The following KYNU variants were observed in gnomAD, a reference collection of about 807,000 sequenced individuals.
KYNU encodes kynureninase.
KYNU carries 54 observed loss-of-function variants against 59.2 expected under a neutral mutation model. The observed-to-expected ratio is 0.91, with a 90% confidence interval of 0.73 to 1.14. The LOEUF (loss-of-function observed/expected upper bound fraction) is 1.14, where lower values mean the gene tolerates loss of function less well. KYNU is among the 50% of genes most tolerant of loss of function. The pLI, the probability that KYNU is intolerant of heterozygous loss-of-function variation, is 0.00. For missense variants in KYNU, 567 were observed against 554.4 expected (o/e 1.02, Z -0.23); for synonymous variants, 177 against 192.0 (o/e 0.92, Z 0.65).
intron 8 of KYNU, among the ~76,000 whole-genome samples, chr2:142,966,570 ATTC>A (rs977615531): frequency 1.3e-5 from 2 of 152,170 alleles, no homozygotes; most frequent in African/African-American, 4.8e-5. Context: ...TAGGATACTT[ATTC>A]TAAGATGCAG....
At chr2:142,878,513 A>G (rs1037155972) in intron 1 of KYNU, among the ~76,000 whole-genome samples, 4 of 152,076 alleles carry the variant, frequency 2.6e-5, no homozygotes, top group African/African-American at 4.8e-5. Context: ...TTCTCAACAT[A>G]TTTTTAAGTC....
intron 12 of KYNU, among the ~76,000 whole-genome samples, chr2:143,035,328 A>G (rs1686865557): frequency 6.6e-6 from 1 of 152,200 alleles, no homozygotes. Context: ...ATTTCCCTTG[A>G]GCCTCTTTCT....
intron 3 of KYNU, 148 bp from the exon 4 acceptor site, chr2:142,927,511 T>C (rs988383507): frequency 5.1e-6 from 3 of 587,950 alleles, no homozygotes; most frequent in Non-Finnish European, 9.2e-6. Context: ...GTATTATATA[T>C]TTTGTTTTAA....
intron 2 of KYNU, among the ~76,000 whole-genome samples, chr2:142,889,315 G>T (rs1054201047): frequency 2.0e-5 from 3 of 152,224 alleles, no homozygotes; most frequent in East Asian, 1.9e-4. Context: ...GTGGCGGGGG[G>T]ACTCAGCAAG....
chr2:142,991,297 A>C (rs1276943172), intron 10 of KYNU, among the ~76,000 whole-genome samples: 1 of 151,894 alleles, frequency 6.6e-6, no homozygotes, highest in Non-Finnish European at 1.5e-5. Flanking sequence ...ACTACTTATC[A>C]AGTCCCTATC....
At chr2:142,956,313 T>G in intron 6 of KYNU, 39 bp downstream of exon 6, 1 of 1,287,228 alleles carries the variant, frequency 7.8e-7, no homozygotes, top group East Asian at 2.3e-5. Flanking sequence ...TTCTTTCTAC[T>G]CTTCCTAGAG....
chr2:143,024,312 A>G (rs528610618), intron 10 of KYNU, among the ~76,000 whole-genome samples: 143 of 151,960 alleles, frequency 9.4e-4, no homozygotes, highest in South Asian at 2.1e-3. Context: ...TGTTACCTTA[A>G]TCTCCACATT....
At chr2:143,021,377 CT>C (rs1282949692) in intron 10 of KYNU, among the ~76,000 whole-genome samples, 1 of 152,084 alleles carries the variant, frequency 6.6e-6, no homozygotes, top group Non-Finnish European at 1.5e-5. Context: ...AGCTTTTCTT[CT>C]TCCCAAATAA....
At chr2:143,023,271 A>T (rs575149825) in intron 10 of KYNU, among the ~76,000 whole-genome samples, 1 of 151,880 alleles carries the variant, frequency 6.6e-6, no homozygotes, top group South Asian at 2.1e-4. Context: ...CAGGTAATTG[A>T]GTCTTTTCAT....
chr2:143,036,756 A>G (rs1478072362), intron 12 of KYNU, among the ~76,000 whole-genome samples: 1 of 152,204 alleles, frequency 6.6e-6, no homozygotes, highest in Admixed American at 6.5e-5. Context: ...AGCAGTTGGG[A>G]TGACAGACGT....
chr2:143,009,972 C>G (rs1388572752), intron 10 of KYNU, among the ~76,000 whole-genome samples: 1 of 131,440 alleles, frequency 7.6e-6, no homozygotes, highest in East Asian at 2.3e-4. Context: ...TGGGCAAAAA[C>G]TGGAAGCATT....
At chr2:142,960,496 G>T in intron 7 of KYNU, 128 bp from the exon 8 acceptor site, 1 of 677,314 alleles carries the variant, frequency 1.5e-6, no homozygotes, top group Non-Finnish European at 2.3e-6. Flanking sequence ...GATTTTTAAA[G>T]AACCTTAATC....
chr2:142,916,936 G>C (rs1682684679), intron 2 of KYNU, among the ~76,000 whole-genome samples: 1 of 152,196 alleles, frequency 6.6e-6, no homozygotes, highest in African/African-American at 2.4e-5. Flanking sequence ...GGCCATTGAA[G>C]TGAGAGAGAA....
intron 8 of KYNU, among the ~76,000 whole-genome samples, chr2:142,968,711 C>A (rs367627070): frequency 2.0e-5 from 3 of 151,994 alleles, no homozygotes; most frequent in Non-Finnish European, 4.4e-5. Flanking sequence ...CCTAGGAGTT[C>A]GAGACCAGCC....
Position 143,042,358 on chromosome 2 carries a change from C to T in KYNU, c.*186C>T. 1.7e-6 allele frequency: 1 copy of T among 582,140 alleles called. No individual in the cohort carries two copies. The highest frequency in any genetic ancestry group is 3.3e-5 in the East Asian group (1 of 30,344). 36.1% of individuals were successfully genotyped at this position (582,140 alleles called of 1,614,324 possible). On this transcript the variant is annotated 3_prime_UTR_variant, in exon 14 of 14. Coordinates refer to ENST00000264170, the MANE Select transcript of KYNU (RefSeq NM_003937.3). ...CTGTGGCACTAAGGAGTCCACAGGG[C>T]TGCCTAGGTGCTTTGTGTTTGGGGG...
In KYNU at chr2:142,908,640, A is replaced by T. The variant is rs909323190; in HGVS notation, c.170-9969A>T. 1.2e-4 allele frequency among the ~76,000 whole-genome samples: 18 copies of T among 149,458 alleles called. No homozygotes were observed. The East Asian group carries it at 3.3e-3, about 28-fold the overall frequency. On this transcript the variant is annotated intron_variant, in intron 2 of 13. Coordinates refer to ENST00000264170, the MANE Select transcript of KYNU (RefSeq NM_003937.3). Reference sequence around the variant, plus strand: ...GTCCTAATAAAATATGAAATGATCAATTTTTTTTTTTTGAGATGGAGTCTT... The same window carrying T: ...GTCCTAATAAAATATGAAATGATCATTTTTTTTTTTTTGAGATGGAGTCTT...
intron 8 of KYNU, among the ~76,000 whole-genome samples, chr2:142,975,908 G>T (rs1005019129): frequency 6.6e-6 from 1 of 151,806 alleles, no homozygotes; most frequent in Non-Finnish European, 1.5e-5. Flanking sequence ...CTTGATTGTT[G>T]TGCACACTTT....
At chr2:142,909,451 T>C (rs565400985) in intron 2 of KYNU, among the ~76,000 whole-genome samples, 1 of 152,320 alleles carries the variant, frequency 6.6e-6, no homozygotes, top group Admixed American at 6.5e-5. Flanking sequence ...ATGACCCTGT[T>C]ACCCAAGTAG....
At chr2:142,997,355 C>T (rs1177373796) in intron 10 of KYNU, among the ~76,000 whole-genome samples, 1 of 152,144 alleles carries the variant, frequency 6.6e-6, no homozygotes, top group Non-Finnish European at 1.5e-5. Context: ...GACATTCTAA[C>T]TTATCCCAAG....
Sources: gnomAD v4.1 joint callset for allele counts (sites outside exome capture counted in the v4.1 genomes callset) on GRCh38, gnomAD v4.1.1 for gene constraint, MANE v1.5 for transcripts, NCBI Gene and HGNC (gene_info 2026-07-23, HGNC 2026-07-21) for gene names.